Variants in MEIOC observed in about 807,000 individuals in gnomAD.
MEIOC encodes meiosis-specific coiled-coil domain-containing protein MEIOC.
A neutral mutation model predicts 85.3 loss-of-function variants in MEIOC; 9 were observed. The observed-to-expected ratio is 0.11, with a 90% CI of 0.06 to 0.18. The LOEUF (loss-of-function observed/expected upper bound fraction) is 0.18. MEIOC is among the 10% of genes least tolerant of loss of function. The pLI, the probability that MEIOC is intolerant of heterozygous loss-of-function variation, is 1.00. For synonymous variants in MEIOC, 365 were observed against 393.7 expected (o/e 0.93, Z 0.86); for missense variants, 898 against 1,129.4 (o/e 0.80, Z 2.94).
intron 6 of MEIOC, among the ~76,000 whole-genome samples, chr17:44,672,855 AT>A (rs1464697265): frequency 2.8e-4 from 42 of 152,330 alleles, no homozygotes; most frequent in Admixed American, 2.3e-3. Flanking sequence ...TTTCTGTATT[AT>A]GGATTCCTTA....
chr17:44,666,171 T>G (rs1322743766), intron 4 of MEIOC, among the ~76,000 whole-genome samples: 1 of 152,192 alleles, frequency 6.6e-6, no homozygotes, highest in Non-Finnish European at 1.5e-5. Context: ...GACATTAAAA[T>G]GCATATTTAT....
In MEIOC at chr17:44,674,829, C is replaced by T; in HGVS notation, c.*633C>T. ...TCTCCTAAATTAATGATAAAAGTGTCAGTGTAAAAACCATGCAAGTTACTG... is the reference window on the plus strand; with the variant it reads ...TCTCCTAAATTAATGATAAAAGTGTTAGTGTAAAAACCATGCAAGTTACTG... On this transcript the variant is annotated 3_prime_UTR_variant, in exon 8 of 8. Transcript: ENST00000409122. 1.0e-6 allele frequency: 1 copy of T among 984,418 alleles called. No individual in the cohort carries two copies. The highest frequency in any genetic ancestry group is 1.2e-6 in the Non-Finnish European group (1 of 829,032). The allele number at this position is 984,418 out of a possible 1,614,324, so 61.0% of individuals were successfully genotyped here. A position where few individuals can be genotyped will look rare whatever the true frequency, so the allele number is the denominator to read the frequency against.
chr17:44,667,575 G>C lies in MEIOC; in HGVS notation c.1664G>C (p.Arg555Thr). 2 of 1,613,786 alleles carry C rather than the reference G, an allele frequency of 1.2e-6. No individual in the cohort carries two copies. Among genetic ancestry groups the C allele is most frequent in the Non-Finnish European group, 1.7e-6 (2 of 1,179,826 alleles). Residue 555 changes from arginine (R) to threonine (T), a missense_variant, in exon 5 of 8, where the codon AGA (arginine) becomes ACA (threonine). Coordinates refer to ENST00000409122, the MANE Select transcript of MEIOC (RefSeq NM_001145080.3). ...SFDFSYSGAERIQSVNHIEGL... is the reference protein window; with the variant it reads ...SFDFSYSGAETIQSVNHIEGL... ...GATTTTAGTTACAGTGGTGCAGAAA[G>C]AATCCAATCTGTCAATCACATAGAA...
intron 7 of MEIOC, 70 bp from the exon 8 acceptor site, chr17:44,673,906 G>C (rs992837809): frequency 2.7e-6 from 4 of 1,491,730 alleles, no homozygotes; most frequent in Non-Finnish European, 3.6e-6. Context: ...AAAAGCACTG[G>C]GTTTTGTAAG....
intron 2 of MEIOC, among the ~76,000 whole-genome samples, chr17:44,659,357 A>C (rs528538738): frequency 6.6e-6 from 1 of 152,156 alleles, no homozygotes; most frequent in Non-Finnish European, 1.5e-5. Flanking sequence ...TCCGGACTAA[A>C]ATTTATTTGG....
chr17:44,676,243 A>G (rs1972072966), downstream of MEIOC: 1 of 152,234 alleles, frequency 6.6e-6, no homozygotes, highest in Non-Finnish European at 1.5e-5. Context: ...TACAACCTAT[A>G]AAACATTGTA....
At chr17:44,676,905 C>A, downstream of MEIOC, 1 of 978,194 alleles carries the variant, frequency 1.0e-6, no homozygotes, top group Non-Finnish European at 1.2e-6. Flanking sequence ...AAGTGGATAA[C>A]TAAACTCAAA....
chr17:44,665,256 CTCT>C (rs1971889259), intron 3 of MEIOC, 125 bp from the exon 4 acceptor site: 2 of 874,774 alleles, frequency 2.3e-6, no homozygotes, highest in East Asian at 6.7e-5. Context: ...GAGTTCTAGT[CTCT>C]TCTTTATTTG....
Position 44,656,685 on chromosome 17 carries a change from A to G in MEIOC, c.69+3A>G. 6.7e-7 allele frequency: 1 copy of G among 1,489,680 alleles called. No individual in the cohort carries two copies. Among genetic ancestry groups the G allele is most frequent in the Non-Finnish European group, 8.9e-7 (1 of 1,120,044 alleles). The allele number at this position is 1,489,680 out of a possible 1,614,324, so 92.3% of individuals were successfully genotyped here. The stretch of plus-strand genomic sequence containing the variant: ...GCCTGAGGGAGGAAGGACTTGAGGT[A>G]ATGGATGAGGAAGGGCAGGGTCCAG... On this transcript the variant is annotated splice_donor_region_variant and intron_variant, in intron 1 of 7. Transcript: ENST00000409122.
At position 44,668,093 on chromosome 17, in the gene MEIOC, G is replaced by T. The variant is rs1415712054; in HGVS notation, c.2182G>T (p.Asp728Tyr). ...LYPYFNMMYGDNSFSGLMPTF... is the reference protein window; with the variant it reads ...LYPYFNMMYGYNSFSGLMPTF... ...CCCTTATTTTAATATGATGTATGGTGATAATTCTTTTTCTGGTCTCATGCC... is the reference window on the plus strand; with the variant it reads ...CCCTTATTTTAATATGATGTATGGTTATAATTCTTTTTCTGGTCTCATGCC... Residue 728 changes from aspartate to tyrosine, a missense_variant, in exon 5 of 8, where the codon GAT becomes TAT. Physicochemically the swap from Asp to Tyr is radical, Grantham distance 160 (BLOSUM62 -3). Around this residue, in one of 2 missense-constraint regions of MEIOC, gnomAD observed 734 missense variants for 860.1 expected, o/e 0.85. Coordinates refer to ENST00000409122, the MANE Select transcript of MEIOC (RefSeq NM_001145080.3). The T allele has an allele frequency of 1.2e-6, 2 of 1,613,592 alleles. No homozygotes were observed. Among genetic ancestry groups the T allele is most frequent in the Admixed American group, 3.3e-5 (2 of 59,962 alleles).
Position 44,666,739 on chromosome 17 carries a change from G to C in MEIOC, c.828G>C (p.Leu276=). ...IKNCFTPQTG[L]SDIMKESGVD... is the part of the protein sequence containing the mutation. ...ACTGTTTTACACCCCAAACTGGTCT[G>C]TCTGATATCATGAAAGAATCAGGAG... is the stretch of plus-strand genomic sequence containing the variant. Residue 276 remains leucine (L), a synonymous_variant, in exon 5 of 8, where the codon CTG becomes CTC. Transcript: ENST00000409122. The C allele has an allele frequency of 6.2e-7, 1 of 1,613,482 alleles. No individual in the cohort carries two copies. The highest frequency in any genetic ancestry group is 1.1e-5 in the South Asian group (1 of 91,012).
At chr17:44,664,188 G>T (rs1404584822) in intron 3 of MEIOC, among the ~76,000 whole-genome samples, 1 of 151,794 alleles carries the variant, frequency 6.6e-6, no homozygotes, top group Admixed American at 6.6e-5. Flanking sequence ...GACCAACATG[G>T]TCAGGCTGAA....
rs572930473 is a variant in MEIOC at position 44,663,097 on chromosome 17, T to C, written c.359+626T>C. 1.1e-4 allele frequency among the ~76,000 whole-genome samples: 16 copies of C among 152,304 alleles called. No homozygotes were observed. The South Asian group carries it at 2.3e-3, about 22-fold the overall frequency. ...TTGTCATCCAGTTCTAAATTTTCCA[T>C]TTTTTTCCTTCACAACTCTACAACA... On this transcript the variant is annotated intron_variant, in intron 3 of 7. Coordinates refer to ENST00000409122, the MANE Select transcript of MEIOC (RefSeq NM_001145080.3).
chr17:44,658,434 C>T (rs940724741), intron 2 of MEIOC, among the ~76,000 whole-genome samples: 4 of 151,400 alleles, frequency 2.6e-5, no homozygotes, highest in Admixed American at 6.6e-5. Context: ...GGATTACAGG[C>T]GTGAGCCACC....
Position 44,667,183 on chromosome 17 carries a change from A to G in MEIOC, c.1272A>G (p.Leu424=), listed in dbSNP as rs910287376. Residue 424 remains leucine, a synonymous_variant, in exon 5 of 8, where the codon CTA becomes CTG. Transcript: ENST00000409122. The part of the protein sequence containing the change: ...ADFGLTSEYG[L]KPHTACPAND... The stretch of plus-strand genomic sequence containing the variant: ...TTGGCTTAACATCAGAATATGGACT[A>G]AAACCTCACACAGCTTGTCCCGCTA... 2.5e-6 allele frequency: 4 copies of G among 1,613,950 alleles called. No individual in the cohort carries two copies. The Admixed American group carries it at 6.7e-5, about 27-fold the overall frequency.
chr17:44,656,531 AG>A lies in MEIOC; in HGVS notation c.-80del. ...TGCGGAGACGGCGGGGTGCGGGCTG[AG>A]GGAGCCGGGCCTGGACGCCCCCCCC... is the stretch of plus-strand genomic sequence containing the variant. On this transcript the variant is annotated 5_prime_UTR_variant, in exon 1 of 8. Coordinates refer to ENST00000409122, the MANE Select transcript of MEIOC (RefSeq NM_001145080.3). The A allele has an allele frequency of 8.8e-7, 1 of 1,131,006 alleles. No individual in the cohort carries two copies. The highest frequency in any genetic ancestry group is 2.5e-5 in the South Asian group (1 of 40,810). The allele number at this position is 1,131,006 out of a possible 1,614,324, so 70.1% of individuals were successfully genotyped here.
intron 3 of MEIOC, among the ~76,000 whole-genome samples, chr17:44,663,190 C>T (rs1247581370): frequency 1.3e-5 from 2 of 152,050 alleles, no homozygotes; most frequent in African/African-American, 2.4e-5. Context: ...ATAATAAGGG[C>T]CCCCTGTACA....
At chr17:44,669,029 C>G (rs1971957162) in intron 5 of MEIOC, among the ~76,000 whole-genome samples, 1 of 152,090 alleles carries the variant, frequency 6.6e-6, no homozygotes, top group Admixed American at 6.6e-5. Context: ...TGGTGAAACC[C>G]AGTCTCTACT....
intron 5 of MEIOC, among the ~76,000 whole-genome samples, chr17:44,668,767 T>C (rs142511199): frequency 6.0e-4 from 91 of 152,334 alleles, no homozygotes; most frequent in African/African-American, 2.0e-3. Flanking sequence ...TAAATGAAGA[T>C]GAAAAATGCT....
Sources: allele counts gnomAD v4.1 joint callset (sites outside exome capture counted in the v4.1 genomes callset), GRCh38; gene constraint gnomAD v4.1.1; regional missense constraint gnomAD v4.1.1; transcripts MANE v1.5; gene names NCBI Gene and HGNC (gene_info 2026-07-23, HGNC 2026-07-21).